Variants in CCDC7 observed in about 807,000 individuals in gnomAD.
The protein encoded by CCDC7 is coiled-coil domain containing 7.
Under a neutral mutation model 196.9 loss-of-function variants are expected in CCDC7, and 183 were observed. The observed-to-expected ratio is 0.93, with a 90% confidence interval of 0.82 to 1.05. The LOEUF (loss-of-function observed/expected upper bound fraction) is 1.05, where lower values mean the gene tolerates loss of function less well. Ranked by LOEUF, CCDC7 falls within the 50% of genes least tolerant of loss-of-function variation. The pLI is 0.00. For missense variants in CCDC7, 1,540 were observed against 1,482.2 expected, an observed-to-expected ratio of 1.04 and a Z score of -0.64; for synonymous variants, 525 against 484.6, an observed-to-expected ratio of 1.08 and a Z score of -1.10.
intron 28 of CCDC7, among the ~76,000 whole-genome samples, chr10:32,755,845 G>A (rs1318351084): frequency 1.3e-5 from 2 of 152,084 alleles, no homozygotes; most frequent in Admixed American, 6.6e-5. Context: ...ATCACAAGAA[G>A]CTAAAAACCT....
rs565666964 is a variant in CCDC7, at chr10:32,817,873, C to T, written c.3181+3420C>T. On this transcript the variant is annotated intron_variant, in intron 31 of 41. Transcript: ENST00000639629. Reference sequence around the variant, plus strand: ...GGAAAGGAACAACCGGTACCAGCCACGGCAAAAACATGCCAAATGGTAAAG... The same window carrying T: ...GGAAAGGAACAACCGGTACCAGCCATGGCAAAAACATGCCAAATGGTAAAG... 4.4e-4 allele frequency among the ~76,000 whole-genome samples: 67 copies of T among 152,266 alleles called. 1 individual carries two copies. Among genetic ancestry groups the T allele is most frequent in the South Asian group, 4.4e-3 (21 of 4,820 alleles).
At chr10:32,665,282 T>C (rs369175643) in intron 21 of CCDC7, among the ~76,000 whole-genome samples, 1 of 147,988 alleles carries the variant, frequency 6.8e-6, no homozygotes, top group African/African-American at 2.6e-5. Flanking sequence ...TACTGTTGAT[T>C]GTTTGCTTTG....
chr10:32,761,105 C>G (rs940786527), intron 28 of CCDC7, among the ~76,000 whole-genome samples: 1 of 151,992 alleles, frequency 6.6e-6, no homozygotes, highest in Non-Finnish European at 1.5e-5. Context: ...TTGTGAGTTT[C>G]AGGCTATAAT....
chr10:32,779,083 C>T lies in CCDC7; in HGVS notation c.3012C>T (p.Val1004=), dbSNP rs141842134. The T allele has an allele frequency of 1.5e-3, 2,344 of 1,535,310 alleles. 26 individuals are homozygous for T. In the African/African-American group the frequency reaches 0.026, roughly 17 times the overall value. The change falls in exon 29 of 42, where the codon GTC becomes GTT. Residue 1004 remains valine (V), a splice_region_variant and synonymous_variant. Coordinates refer to ENST00000639629, the Ensembl canonical transcript of CCDC7. ...TTCAATTTGATTTAAACAAAGTGGT[C>T]GGTAAGTATAGATTTATGTTTGGAT...
chr10:32,830,121 G>GATATAT lies in CCDC7; in HGVS notation c.3269-4679_3269-4674dup. Among the ~76,000 whole-genome samples the GATATAT allele has an allele frequency of 2.1e-3, 108 of 50,652 alleles. 17 individuals carry two copies. Among genetic ancestry groups the GATATAT allele is most frequent in the East Asian group, 3.3e-3 (6 of 1,794 alleles). The allele number at this position is 50,652 out of a possible 152,430, so 33.2% of individuals were successfully genotyped here. A position where few individuals can be genotyped will look rare whatever the true frequency, so the allele number is the denominator to read the frequency against. On this transcript the variant is annotated intron_variant, in intron 32 of 41. Transcript: ENST00000639629. ...TCCTATTAGTTCTTATATATATAAG[G>GATATAT]ATATATATATATATATATATCCTAT...
rs146437949 is a variant in CCDC7 at position 32,583,196 on chromosome 10, A to G, written c.1617A>G (p.Val539=). ...CCCATGATAAATCACTTACAACAGT[A>G]TCATCCAGCAAAGAAGTTCAAGATT... The change falls in exon 17 of 42, where the codon GTA becomes GTG. Residue 539 remains valine (V), a synonymous_variant. Coordinates refer to ENST00000639629, the Ensembl canonical transcript of CCDC7. The G allele has an allele frequency of 6.5e-6, 8 of 1,231,572 alleles. No homozygotes were observed. In the African/African-American group the frequency reaches 1.1e-4, roughly 17 times the overall value. The allele number at this position is 1,231,572 out of a possible 1,614,324, so 76.3% of individuals were successfully genotyped here. A position where few individuals can be genotyped will look rare whatever the true frequency, so the allele number is the denominator to read the frequency against.
intron 29 of CCDC7, among the ~76,000 whole-genome samples, chr10:32,796,110 G>T (rs1446585952): frequency 6.6e-6 from 1 of 151,660 alleles, no homozygotes; most frequent in Non-Finnish European, 1.5e-5. Context: ...CTCACTTCAG[G>T]CTCTCTTATT....
At chr10:32,848,363 T>G (rs369581997) in intron 38 of CCDC7, among the ~76,000 whole-genome samples, 152 of 152,172 alleles carry the variant, frequency 1.0e-3, no homozygotes, top group African/African-American at 3.3e-3. Flanking sequence ...AAAATAAAGC[T>G]GGGATAAAGG....
At chr10:32,553,898 C>T (rs574869367) in intron 13 of CCDC7, among the ~76,000 whole-genome samples, 5 of 152,150 alleles carry the variant, frequency 3.3e-5, no homozygotes, top group Non-Finnish European at 7.4e-5. Context: ...GATTATGTGC[C>T]CTTTGTCTTC....
chr10:32,774,700 C>T (rs1335988), intron 28 of CCDC7, among the ~76,000 whole-genome samples: 140,529 of 152,162 alleles, frequency 0.92, 65,880 homozygotes, highest in East Asian at 1. Context: ...CTTGCTTACA[C>T]CACTCTGTGA....
At chr10:32,462,986 CT>C in intron 4 of CCDC7, 30 bp from the exon 6 acceptor site, 1 of 1,612,576 alleles carries the variant, frequency 6.2e-7, no homozygotes, top group South Asian at 1.1e-5. Context: ...GTCACTATTT[CT>C]TTTTTTGTCC....
At chr10:32,642,540 A>T (rs1012104370) in intron 20 of CCDC7, among the ~76,000 whole-genome samples, 33 of 151,502 alleles carry the variant, frequency 2.2e-4, no homozygotes, top group African/African-American at 6.0e-4. Flanking sequence ...TCCAGGTGCC[A>T]CCTGGAAAAG....
At chr10:32,767,328 A>G (rs900993976) in intron 28 of CCDC7, among the ~76,000 whole-genome samples, 1 of 152,128 alleles carries the variant, frequency 6.6e-6, no homozygotes, top group Non-Finnish European at 1.5e-5. Context: ...TAATTTTTAT[A>G]CACTGGTCAT....
chr10:32,584,823 A>C (rs2059099209), intron 18 of CCDC7, among the ~76,000 whole-genome samples: 1 of 151,580 alleles, frequency 6.6e-6, no homozygotes, highest in Non-Finnish European at 1.5e-5. Context: ...TATTTTAACT[A>C]AGATCTGTGT....
At chr10:32,651,899 A>G (rs1274399012) in intron 20 of CCDC7, among the ~76,000 whole-genome samples, 1 of 152,180 alleles carries the variant, frequency 6.6e-6, no homozygotes, top group Non-Finnish European at 1.5e-5. Flanking sequence ...GCGGTTTTTT[A>G]TTAAGGTGAA....
At chr10:32,856,337 A>G (rs2093751795) in intron 41 of CCDC7, among the ~76,000 whole-genome samples, 1 of 152,236 alleles carries the variant, frequency 6.6e-6, no homozygotes, top group African/African-American at 2.4e-5. Context: ...AATAATCCAG[A>G]ATATATAGAG....
intron 13 of CCDC7, 39 bp from the exon 15 acceptor site, chr10:32,565,519 C>T (rs796543705): frequency 6.3e-7 from 1 of 1,583,644 alleles, no homozygotes. Context: ...ATTAAAAATA[C>T]CAAAGTAAAT....
chr10:32,657,546 G>A (rs1480869276), intron 20 of CCDC7, among the ~76,000 whole-genome samples: 2 of 152,230 alleles, frequency 1.3e-5, no homozygotes, highest in African/African-American at 4.8e-5. Flanking sequence ...AATGGCTGGA[G>A]GTGAAGCAGC....
chr10:32,674,418 T>G (rs1391493212), intron 21 of CCDC7, among the ~76,000 whole-genome samples: 1 of 152,136 alleles, frequency 6.6e-6, no homozygotes, highest in Non-Finnish European at 1.5e-5. Flanking sequence ...CATTACTGAT[T>G]TCTAGTTTCA....
Sources: gnomAD v4.1 joint callset for allele counts (sites outside exome capture counted in the v4.1 genomes callset) on GRCh38, gnomAD v4.1.1 for gene constraint, MANE v1.5 for transcripts, NCBI Gene and HGNC (gene_info 2026-07-23, HGNC 2026-07-21) for gene names.